Variants in NHERF2 observed in about 807,000 individuals in gnomAD.
NHERF2 encodes the protein Na(+)/H(+) exchange regulatory cofactor NHE-RF2.
chr16:2,033,433 G>A, the NHERF2 span: 1 of 1,524,388 alleles, frequency 6.6e-7, no homozygotes, highest in Non-Finnish European at 8.8e-7. Flanking sequence ...GCTGGTACAG[G>A]TCAGGTGGGG....
the NHERF2 span, chr16:2,029,767 C>A: frequency 1.9e-6 from 3 of 1,552,862 alleles, no homozygotes; most frequent in Non-Finnish European, 1.7e-6. Context: ...GCCACAGCTC[C>A]GAAGCTGGCA....
At chr16:2,028,746 C>T in the NHERF2 span, among the ~76,000 whole-genome samples, 1 of 152,156 alleles carries the variant, frequency 6.6e-6, no homozygotes, top group Non-Finnish European at 1.5e-5. Flanking sequence ...CACCCTCCCC[C>T]AGGCCGCAGG....
chr16:2,035,998 C>G, the NHERF2 span: 10 of 329,498 alleles, frequency 3.0e-5, no homozygotes, highest in African/African-American at 1.9e-4. Context: ...AGGAGGCCAA[C>G]GGCGACAGTT....
chr16:2,034,113 C>A, the NHERF2 span, among the ~76,000 whole-genome samples: 1 of 152,172 alleles, frequency 6.6e-6, no homozygotes, highest in African/African-American at 2.4e-5. Context: ...GAAACCCTGC[C>A]CCGCAGGCCG....
the NHERF2 span, chr16:2,027,023 G>C: frequency 8.3e-7 from 1 of 1,200,436 alleles, no homozygotes; most frequent in Non-Finnish European, 1.0e-6. Flanking sequence ...CGCCGGAGCC[G>C]CTGCGGCCGC....
At chr16:2,030,604 A>G in the NHERF2 span, among the ~76,000 whole-genome samples, 1 of 146,574 alleles carries the variant, frequency 6.8e-6, no homozygotes, top group Admixed American at 6.9e-5. Context: ...CATTATCTCC[A>G]TGTTCTCTCC....
the NHERF2 span, among the ~76,000 whole-genome samples, chr16:2,028,950 C>G: frequency 6.6e-6 from 1 of 152,244 alleles, no homozygotes; most frequent in South Asian, 2.1e-4. Flanking sequence ...AATCCTGCTT[C>G]CCTGGCTGTG....
the NHERF2 span, among the ~76,000 whole-genome samples, chr16:2,033,622 C>G: frequency 6.6e-6 from 1 of 152,206 alleles, no homozygotes; most frequent in Admixed American, 6.5e-5. Context: ...ATGCCAGCCT[C>G]TTTGTCCGGA....
chr16:2,033,246 A>C, the NHERF2 span: 2 of 1,514,390 alleles, frequency 1.3e-6, no homozygotes, highest in Non-Finnish European at 1.8e-6. Context: ...CCGGGGAGCC[A>C]GGGCCGCAGA....
At chr16:2,032,770 T>G in the NHERF2 span, 6 of 987,798 alleles carry the variant, frequency 6.1e-6, no homozygotes, top group Non-Finnish European at 7.2e-6. The surrounding 1 kb of genome is among the most constrained non-coding windows in gnomAD (Gnocchi z 4.0). Context: ...CTGATCCTAG[T>G]AGTGACGACA....
At chr16:2,033,466 G>A in the NHERF2 span, 1 of 1,500,594 alleles carries the variant, frequency 6.7e-7, no homozygotes, top group East Asian at 2.5e-5. Context: ...AGGGCTAGGA[G>A]GAACCGGCAG....
At chr16:2,029,595 T>A in the NHERF2 span, 1 of 1,576,634 alleles carries the variant, frequency 6.3e-7, no homozygotes, top group Non-Finnish European at 8.6e-7. Context: ...GTGCAAAGGA[T>A]CAAGGCTGTG....
chr16:2,033,360 C>T, the NHERF2 span: 2 of 1,533,254 alleles, frequency 1.3e-6, no homozygotes, highest in Non-Finnish European at 1.7e-6. Flanking sequence ...TCATGGCACG[C>T]TCCGGGAGTG....
At chr16:2,035,728 G>C in the NHERF2 span, 2 of 971,264 alleles carry the variant, frequency 2.1e-6, no homozygotes, top group South Asian at 4.8e-5. Context: ...GGTAGCGGGG[G>C]GTCCTTCCGG....
At chr16:2,036,945 G>T in the NHERF2 span, 1 of 1,561,712 alleles carries the variant, frequency 6.4e-7, no homozygotes, top group Non-Finnish European at 8.7e-7. Flanking sequence ...CTGACACGCT[G>T]TCCCCACAGG....
At chr16:2,028,513 G>C in the NHERF2 span, among the ~76,000 whole-genome samples, 1 of 152,222 alleles carries the variant, frequency 6.6e-6, no homozygotes, top group Non-Finnish European at 1.5e-5. Context: ...AGGAGGGCAA[G>C]AGGGGCAGTT....
At chr16:2,027,315 C>A in the NHERF2 span, 1 of 625,490 alleles carries the variant, frequency 1.6e-6, no homozygotes, top group Non-Finnish European at 2.2e-6. Context: ...GGGGCTCCCG[C>A]GGGGAGGACG....
At chr16:2,031,943 C>T in the NHERF2 span, among the ~76,000 whole-genome samples, 8 of 151,906 alleles carry the variant, frequency 5.3e-5, no homozygotes, top group African/African-American at 1.5e-4. Context: ...CTGCCCTCCT[C>T]GACCTCCCAA....
chr16:2,033,089 A>AG, the NHERF2 span: 1 of 985,376 alleles, frequency 1.0e-6, no homozygotes, highest in Non-Finnish European at 1.2e-6. Context: ...GGGGCAGGGC[A>AG]GGGCCTTCCA....
Sources: gnomAD v4.1 joint callset for allele counts (sites outside exome capture counted in the v4.1 genomes callset) on GRCh38, gnomAD v4.1.1 for gene constraint, Gnocchi (gnomAD v3.1) non-coding constraint, MANE v1.5 for transcripts, NCBI Gene and HGNC (gene_info 2026-07-23, HGNC 2026-07-21) for gene names.